The following SMYD4 variants were observed in gnomAD, a reference collection of about 807,000 sequenced individuals.
The protein encoded by SMYD4 is SET and MYND domain containing 4.
Under a neutral mutation model 72.8 loss-of-function variants are expected in SMYD4, and 68 were observed. That is an observed-to-expected ratio of 0.93 (90% confidence interval 0.77 to 1.14). The LOEUF (loss-of-function observed/expected upper bound fraction) is 1.14, where lower values mean the gene tolerates loss of function less well. Among genes scored for constraint, SMYD4 ranks in the 50% most tolerant of loss-of-function variants. The pLI, the probability that SMYD4 is intolerant of heterozygous loss-of-function variation, is 0.00. For missense variants in SMYD4, 984 were observed against 1,003.7 expected (o/e 0.98, Z 0.27); for synonymous variants, 407 against 388.6 (o/e 1.05, Z -0.56).
intron 5 of SMYD4, among the ~76,000 whole-genome samples, chr17:1,789,982 G>A (rs1408003929): frequency 1.3e-5 from 2 of 152,084 alleles, no homozygotes; most frequent in African/African-American, 4.8e-5. Context: ...GCTGATTTTT[G>A]TTTCTTCTTC....
intron 3 of SMYD4, 29 bp downstream of exon 3, chr17:1,811,942 A>C (rs759308778): frequency 6.2e-7 from 1 of 1,606,082 alleles, no homozygotes; most frequent in Non-Finnish European, 8.5e-7. Flanking sequence ...AAAATAAATA[A>C]TAAATTGCTT....
chr17:1,829,160 T>C (rs1597406435), intron 1 of SMYD4, among the ~76,000 whole-genome samples: 1 of 152,190 alleles, frequency 6.6e-6, no homozygotes, highest in South Asian at 2.1e-4. Flanking sequence ...ACTCCAAGCA[T>C]ACCAGGAAGC....
intron 2 of SMYD4, among the ~76,000 whole-genome samples, chr17:1,825,511 C>CT (rs58470302): frequency 0.014 from 1,465 of 107,818 alleles, 18 homozygotes; most frequent in African/African-American, 0.041. Context: ...CATTTTCTTT[C>CT]TTTTTTTTTT....
At position 1,800,640 on chromosome 17, in the gene SMYD4, C is replaced by T; in HGVS notation, c.754G>A (p.Asp252Asn). ...ACCAGGAGCTCTCCTGGGAGAATAT[C>T]TTTTGTGGCAACGAGACAGCGACCT... is the stretch of plus-strand genomic sequence containing the variant. ...LKGRCLVATK[D>N]ILPGELLVQE... The change falls in exon 5 of 11, where the codon GAT becomes AAT. Residue 252 changes from aspartate to asparagine, a missense_variant. Transcript: ENST00000305513. 2 of 1,614,190 alleles carry T rather than the reference C, an allele frequency of 1.2e-6. No homozygotes were observed. The highest frequency in any genetic ancestry group is 1.7e-6 in the Non-Finnish European group (2 of 1,180,040).
In SMYD4 at chr17:1,800,165, G is replaced by A. The variant is rs1909639732; in HGVS notation, c.1229C>T (p.Pro410Leu). The A allele has an allele frequency of 6.2e-7, 1 of 1,610,690 alleles. No individual in the cohort carries two copies. The highest frequency in any genetic ancestry group is 8.5e-7 in the Non-Finnish European group (1 of 1,177,856). The change falls in exon 5 of 11, where the codon CCT becomes CTT. Residue 410 changes from proline to leucine, a missense_variant. Coordinates refer to ENST00000305513, the MANE Select transcript of SMYD4 (RefSeq NM_052928.3). ...KNGNIVETPI[P>L]GCDINGKYEN... ...ATACTTCCCATTAATATCGCATCCA[G>A]GAATTGGGGTCTCAACGATGTTGCC... is the stretch of plus-strand genomic sequence containing the variant.
chr17:1,791,786 C>T (rs902634898), intron 5 of SMYD4, among the ~76,000 whole-genome samples: 1 of 152,094 alleles, frequency 6.6e-6, no homozygotes, highest in Non-Finnish European at 1.5e-5. Context: ...CTTTGGGAGG[C>T]AGAGGTGGGA....
chr17:1,828,276 G>C (rs1436115906), intron 1 of SMYD4, among the ~76,000 whole-genome samples: 1 of 151,646 alleles, frequency 6.6e-6, no homozygotes. Flanking sequence ...GCGTGAACTG[G>C]GGAGGCGGAG....
In SMYD4 at chr17:1,819,104, C is replaced by T. The variant is rs1910771225; in HGVS notation, c.135-6989G>A. Among the ~76,000 whole-genome samples, 7 of 152,092 alleles carry T rather than the reference C, an allele frequency of 4.6e-5. No homozygotes were observed. The South Asian group carries it at 1.5e-3, about 32-fold the overall frequency. Reference sequence around the variant, plus strand: ...GGGTGTGGTGGCTCACACCTGTAATCCCAGCACTTAGGGAGGCCGAGGCAG... The same window carrying T: ...GGGTGTGGTGGCTCACACCTGTAATTCCAGCACTTAGGGAGGCCGAGGCAG... On this transcript the variant is annotated intron_variant, in intron 2 of 10. Coordinates refer to ENST00000305513, the MANE Select transcript of SMYD4 (RefSeq NM_052928.3).
At chr17:1,823,500 C>T (rs769867151) in intron 2 of SMYD4, among the ~76,000 whole-genome samples, 1 of 151,040 alleles carries the variant, frequency 6.6e-6, no homozygotes, top group African/African-American at 2.4e-5. Flanking sequence ...CGAACAATGA[C>T]TATGTGTGTG....
At chr17:1,791,813 G>C (rs932036234) in intron 5 of SMYD4, among the ~76,000 whole-genome samples, 5 of 152,074 alleles carry the variant, frequency 3.3e-5, no homozygotes, top group Admixed American at 3.3e-4. Context: ...CTTGAGCCCA[G>C]GAGTTTGAGG....
chr17:1,812,010 C>G lies in SMYD4; in HGVS notation c.240G>C (p.Gln80His), dbSNP rs528199948. Residue 80 changes from glutamine (Q) to histidine (H), a missense_variant, in exon 3 of 11, where the codon CAG (glutamine) becomes CAC (histidine). Transcript: ENST00000305513. ...CTGCAGCTCCTGTGTAATCTTTCTC[C>G]TGAAATTTTTTGTTTCCTTCTTCTC... ...FYREEGNKKF[Q>H]EKDYTGAAVL... is the part of the protein sequence containing the mutation. 6.2e-7 allele frequency: 1 copy of G among 1,614,104 alleles called. No homozygotes were observed. Among genetic ancestry groups the G allele is most frequent in the Admixed American group, 1.7e-5 (1 of 59,982 alleles).
At chr17:1,787,969 G>A (rs1007737348) in intron 5 of SMYD4, among the ~76,000 whole-genome samples, 1 of 152,194 alleles carries the variant, frequency 6.6e-6, no homozygotes, top group Non-Finnish European at 1.5e-5. Context: ...CTGTTGAGGT[G>A]ACTTCCCAAA....
Position 1,800,893 on chromosome 17 carries a change from A to C in SMYD4, c.501T>G (p.Ser167Arg). ...GRLQEASQTI[S>R]DLERNFTATP... The stretch of plus-strand genomic sequence containing the variant: ...TGGCTGTGAAGTTCCTTTCAAGATC[A>C]CTGATGGTCTGGCTTGCCTCCTGCA... The change falls in exon 5 of 11, where the codon AGT becomes AGG. Residue 167 changes from serine (S) to arginine (R), a missense_variant. Transcript: ENST00000305513. 1 of 1,614,180 alleles carries C rather than the reference A, an allele frequency of 6.2e-7. No homozygotes were observed. Among genetic ancestry groups the C allele is most frequent in the Non-Finnish European group, 8.5e-7 (1 of 1,180,036 alleles).
chr17:1,801,023 G>A lies in SMYD4; in HGVS notation c.371C>T (p.Thr124Met), dbSNP rs780284680. The A allele has an allele frequency of 2.0e-5, 31 of 1,587,198 alleles. No homozygotes were observed. Among genetic ancestry groups the A allele is most frequent in the East Asian group, 1.1e-4 (5 of 44,340 alleles). Residue 124 changes from threonine to methionine, a missense_variant and splice_region_variant, in exon 5 of 11, where the codon ACG (threonine) becomes ATG (methionine). By Grantham distance (81) the Thr-to-Met change is moderately conservative. Coordinates refer to ENST00000305513, the MANE Select transcript of SMYD4 (RefSeq NM_052928.3). ...TGCTCTGTTAATGTCTTTAAGACAC[G>A]TCTGAAAACAGAAAGAAAATCCCAC... ...AALFHLGQYE[T>M]CLKDINRAQT...
intron 3 of SMYD4, among the ~76,000 whole-genome samples, chr17:1,805,823 T>C (rs1438026875): frequency 2.2e-5 from 3 of 137,650 alleles, no homozygotes; most frequent in African/African-American, 6.0e-5. Flanking sequence ...AAAAAATAAA[T>C]TAATAATAAA....
In SMYD4 at chr17:1,789,764, C is replaced by CCAAAAAAA. The variant is rs71150816; in HGVS notation, c.1538-2161_1538-2160insTTTTTTTG. Among the ~76,000 whole-genome samples, 63 of 90,126 alleles carry CCAAAAAAA rather than the reference C, an allele frequency of 7.0e-4. 17 individuals are homozygous for CCAAAAAAA. Among genetic ancestry groups the CCAAAAAAA allele is most frequent in the Middle Eastern group, 8.3e-3 (1 of 120 alleles). 59.1% of individuals were successfully genotyped at this position (90,126 alleles called of 152,430 possible). On this transcript the variant is annotated intron_variant, in intron 5 of 10. Transcript: ENST00000305513. ...TGGGTGAAAGAGCGAGACTCTGTCT[C>CCAAAAAAA]AAAAAAAAAAAAAAAGTTTTATAAA... is the stretch of plus-strand genomic sequence containing the variant.
intron 7 of SMYD4, among the ~76,000 whole-genome samples, chr17:1,786,023 A>G (rs1908671247): frequency 6.6e-6 from 1 of 152,214 alleles, no homozygotes; most frequent in South Asian, 2.1e-4. Flanking sequence ...GATCCCTCTC[A>G]CCCTCAGTCC....
chr17:1,796,427 C>T (rs955259425), intron 5 of SMYD4, among the ~76,000 whole-genome samples: 5 of 150,412 alleles, frequency 3.3e-5, no homozygotes, highest in African/African-American at 9.8e-5. Context: ...TGAGCCACTG[C>T]GGCTGGCTTC....
intron 5 of SMYD4, among the ~76,000 whole-genome samples, chr17:1,798,344 T>C (rs1453605908): frequency 1.3e-5 from 2 of 152,050 alleles, no homozygotes; most frequent in East Asian, 1.9e-4. Context: ...CTCAAGTAAG[T>C]GATTTGACCC....
Sources: allele counts gnomAD v4.1 joint callset (sites outside exome capture counted in the v4.1 genomes callset), GRCh38; gene constraint gnomAD v4.1.1; transcripts MANE v1.5; gene names NCBI Gene and HGNC (gene_info 2026-07-23, HGNC 2026-07-21).